RBM20: variants seen among roughly 807,000 people sequenced by gnomAD.
The protein encoded by RBM20 is RNA binding motif protein 20.
RBM20 carries 51 observed loss-of-function variants against 110.1 expected under a neutral mutation model. The ratio of observed to expected loss-of-function variants is 0.46; its 90% CI spans 0.37 to 0.59. RBM20 has a LOEUF of 0.59. Among genes scored for constraint, RBM20 ranks in the 20% least tolerant of loss-of-function variants. RBM20 has a pLI of 0.00. For missense variants in RBM20, 1,512 were observed against 1,574.9 expected (o/e 0.96, Z 0.68); for synonymous variants, 589 against 618.2 (o/e 0.95, Z 0.70).
At chr10:110,646,694 A>G (rs759553511) in intron 1 of RBM20, among the ~76,000 whole-genome samples, 3 of 152,260 alleles carry the variant, frequency 2.0e-5, no homozygotes, top group Non-Finnish European at 2.9e-5. Flanking sequence ...TTGTAGGTCC[A>G]TCTTCAATGC....
Position 110,780,913 on chromosome 10 carries a change from C to A in RBM20, c.304C>A (p.Arg102=). ...ACTGCAGGCCCAGCTCACCCTCCAC[C>A]GGCTGAAGCTGGCACAGACAGCTGT... is the stretch of plus-strand genomic sequence containing the variant. ...AQLQAQLTLH[R]LKLAQTAVTN... is the part of the protein sequence containing the mutation. Residue 102 remains arginine (R), a synonymous_variant, in exon 2 of 14, where the codon CGG becomes AGG. Transcript: ENST00000369519. The A allele has an allele frequency of 1.3e-6, 2 of 1,551,694 alleles. No homozygotes were observed. The highest frequency in any genetic ancestry group is 1.7e-6 in the Non-Finnish European group (2 of 1,146,964).
At chr10:110,691,468 A>G (rs776619710) in intron 1 of RBM20, among the ~76,000 whole-genome samples, 3 of 152,172 alleles carry the variant, frequency 2.0e-5, no homozygotes, top group Non-Finnish European at 4.4e-5. Flanking sequence ...TATTATGGCC[A>G]TCCTAGTAGG....
chr10:110,773,412 C>T (rs1235805295), intron 1 of RBM20, among the ~76,000 whole-genome samples: 1 of 152,130 alleles, frequency 6.6e-6, no homozygotes, highest in African/African-American at 2.4e-5. Flanking sequence ...ATGACCATTA[C>T]AGTAGCATTT....
rs727504930 is a variant in RBM20, at chr10:110,780,972, C to T, written c.363C>T (p.Asn121=). The part of the protein sequence containing the change: ...TNNTAAATVL[N]QVLSKVAMSQ... Reference sequence around the variant, plus strand: ...ACACTGCAGCCGCCACAGTCCTGAACCAAGTCCTCTCCAAAGTGGCCATGT... The same window carrying T: ...ACACTGCAGCCGCCACAGTCCTGAATCAAGTCCTCTCCAAAGTGGCCATGT... The change falls in exon 2 of 14, where the codon AAC becomes AAT. Residue 121 remains asparagine (N), a synonymous_variant. Transcript: ENST00000369519. 9.7e-6 allele frequency: 15 copies of T among 1,551,638 alleles called. No individual in the cohort carries two copies. Among genetic ancestry groups the T allele is most frequent in the Non-Finnish European group, 1.2e-5 (14 of 1,147,014 alleles).
chr10:110,812,221 G>A, intron 8 of RBM20, 57 bp from the exon 9 acceptor site: 1 of 1,413,912 alleles, frequency 7.1e-7, no homozygotes, highest in Non-Finnish European at 9.5e-7. Context: ...CTGTGTGTGG[G>A]TGGGGTGGGA....
At chr10:110,830,966 C>T (rs1267975842) in intron 12 of RBM20, 95 bp from the exon 13 acceptor site, 22 of 1,265,292 alleles carry the variant, frequency 1.7e-5, no homozygotes, top group South Asian at 3.1e-5. Context: ...GGGTGGAGCT[C>T]GTGGCTCCCA....
At position 110,644,348 on chromosome 10, in the gene RBM20, A is replaced by C; in HGVS notation, c.-107A>C. On this transcript the variant is annotated 5_prime_UTR_variant, in exon 1 of 14. Transcript: ENST00000369519. The surrounding 1 kb of genome is among the most constrained non-coding windows in gnomAD (Gnocchi z 4.3). ...GCGTCTCCTCCCCGCGCCACCGGGA[A>C]GGACAAGGGGACTGGGCACGGGGAC... 6.0e-6 allele frequency: 5 copies of C among 829,116 alleles called. No homozygotes were observed. Among genetic ancestry groups the C allele is most frequent in the Non-Finnish European group, 8.3e-6 (5 of 599,410 alleles). The allele number at this position is 829,116 out of a possible 1,614,324, so 51.4% of individuals were successfully genotyped here.
At chr10:110,720,538 G>T (rs1395761316) in intron 1 of RBM20, among the ~76,000 whole-genome samples, 1 of 152,098 alleles carries the variant, frequency 6.6e-6, no homozygotes, top group Non-Finnish European at 1.5e-5. Context: ...GATCCTCTCA[G>T]CTCTACCTTA....
At chr10:110,715,458 C>T (rs1356047469) in intron 1 of RBM20, among the ~76,000 whole-genome samples, 1 of 152,208 alleles carries the variant, frequency 6.6e-6, no homozygotes, top group African/African-American at 2.4e-5. Flanking sequence ...ATGGCTCAGG[C>T]CATCAAATGT....
chr10:110,717,807 A>G (rs1326985462), intron 1 of RBM20, among the ~76,000 whole-genome samples: 1 of 152,136 alleles, frequency 6.6e-6, no homozygotes, highest in Non-Finnish European at 1.5e-5. Context: ...TCACAAAGGG[A>G]TCTTCCTCAC....
At chr10:110,810,791 A>ATG (rs1188258379) in intron 8 of RBM20, among the ~76,000 whole-genome samples, 79 of 149,818 alleles carry the variant, frequency 5.3e-4, no homozygotes, top group African/African-American at 1.5e-3. Context: ...CCTAAAAGTA[A>ATG]TGCGTGTGTG....
At chr10:110,712,108 A>G (rs542460150) in intron 1 of RBM20, among the ~76,000 whole-genome samples, 16 of 152,340 alleles carry the variant, frequency 1.1e-4, no homozygotes, top group African/African-American at 3.8e-4. Flanking sequence ...GAATTATCAT[A>G]TATTTTAATT....
intron 1 of RBM20, among the ~76,000 whole-genome samples, chr10:110,742,558 A>G (rs1843735816): frequency 6.6e-6 from 1 of 152,216 alleles, no homozygotes. Flanking sequence ...ACTAAAGGAA[A>G]GAAACCCAGT....
At chr10:110,751,363 A>G (rs190047630) in intron 1 of RBM20, among the ~76,000 whole-genome samples, 1 of 152,360 alleles carries the variant, frequency 6.6e-6, no homozygotes, top group African/African-American at 2.4e-5. Context: ...CCACAGCATC[A>G]TTTCACAAAG....
chr10:110,774,411 G>A (rs531325885), intron 1 of RBM20, among the ~76,000 whole-genome samples: 2 of 152,210 alleles, frequency 1.3e-5, no homozygotes, highest in Non-Finnish European at 2.9e-5. Context: ...GGCCAAGCTA[G>A]TGAAGACCCA....
rs140488216 is a variant in RBM20 at position 110,682,671 on chromosome 10, A to T, written c.191+38026A>T. Among the ~76,000 whole-genome samples the T allele has an allele frequency of 3.5e-3, 529 of 152,302 alleles. 1 individual carries two copies. The highest frequency in any genetic ancestry group is 5.4e-3 in the Non-Finnish European group (366 of 68,024). On this transcript the variant is annotated intron_variant, in intron 1 of 13. Transcript: ENST00000369519. ...TTGGAAGAAGATTCCCAAAGAGGGG[A>T]TGTGCCCTTCTCAGAGCATCACTTA...
intron 1 of RBM20, among the ~76,000 whole-genome samples, chr10:110,649,349 T>C (rs2134801950): frequency 6.6e-6 from 1 of 152,276 alleles, no homozygotes; most frequent in Non-Finnish European, 1.5e-5. Flanking sequence ...AACAAATTGA[T>C]ATAGCTCAAT....
intron 1 of RBM20, among the ~76,000 whole-genome samples, chr10:110,654,642 G>C (rs1861995915): frequency 6.6e-6 from 1 of 151,992 alleles, no homozygotes; most frequent in African/African-American, 2.4e-5. Context: ...CTAGCAGTTT[G>C]TTCATGTTTT....
Position 110,797,694 on chromosome 10 carries a change from C to T in RBM20, c.1668+46C>T, listed in dbSNP as rs544219886. ...TCCAGTGTATATGCCACAGACCACA[C>T]ATTAGTGAAAGGGAACGATATAATT... On this transcript the variant is annotated intron_variant, in intron 6 of 13. Transcript: ENST00000369519. 4 of 1,513,374 alleles carry T rather than the reference C, an allele frequency of 2.6e-6. No individual in the cohort carries two copies. The African/African-American group carries it at 4.2e-5, about 16-fold the overall frequency. 93.7% of individuals were successfully genotyped at this position (1,513,374 alleles called of 1,614,324 possible).
Sources: gnomAD v4.1 joint callset for allele counts (sites outside exome capture counted in the v4.1 genomes callset) on GRCh38, gnomAD v4.1.1 for gene constraint, Gnocchi (gnomAD v3.1) non-coding constraint, MANE v1.5 for transcripts, NCBI Gene and HGNC (gene_info 2026-07-23, HGNC 2026-07-21) for gene names.